Variants in HMCN1 observed in about 807,000 individuals in gnomAD.
HMCN1 encodes the protein hemicentin 1, also known as hemicentin-1.
A neutral mutation model predicts 625.9 loss-of-function variants in HMCN1; 321 were observed. The ratio of observed to expected loss-of-function variants is 0.51; its 90% CI spans 0.47 to 0.56. The LOEUF (loss-of-function observed/expected upper bound fraction) is 0.56. HMCN1 is among the 20% of genes least tolerant of loss of function. The pLI is 0.00. For missense variants in HMCN1, 6,588 were observed against 6,887.3 expected, an observed-to-expected ratio of 0.96 and a Z score of 1.54; for synonymous variants, 2,425 against 2,417.6, an observed-to-expected ratio of 1.00 and a Z score of -0.09.
intron 1 of HMCN1, among the ~76,000 whole-genome samples, chr1:185,752,395 C>T (rs1654878370): frequency 6.6e-6 from 1 of 152,068 alleles, no homozygotes; most frequent in East Asian, 1.9e-4. Flanking sequence ...TAGTCAAATC[C>T]TATGTCAGGA....
At chr1:185,807,783 T>G (rs1479454949) in intron 1 of HMCN1, among the ~76,000 whole-genome samples, 1 of 152,274 alleles carries the variant, frequency 6.6e-6, no homozygotes, top group African/African-American at 2.4e-5. Flanking sequence ...TGATAATACT[T>G]TTTTTCCTTG....
At chr1:185,786,636 G>T (rs1009379550) in intron 1 of HMCN1, among the ~76,000 whole-genome samples, 1 of 152,156 alleles carries the variant, frequency 6.6e-6, no homozygotes, top group Non-Finnish European at 1.5e-5. Flanking sequence ...TCTTAAAAAT[G>T]TATTTAACCA....
intron 1 of HMCN1, among the ~76,000 whole-genome samples, chr1:185,798,967 T>C (rs1021127991): frequency 5.3e-5 from 8 of 152,210 alleles, no homozygotes; most frequent in African/African-American, 1.9e-4. Flanking sequence ...TTCAGAATTA[T>C]GTCTTTGGTT....
At chr1:185,778,951 C>T (rs1656834663) in intron 1 of HMCN1, among the ~76,000 whole-genome samples, 1 of 152,222 alleles carries the variant, frequency 6.6e-6, no homozygotes, top group South Asian at 2.1e-4. Flanking sequence ...AACTAGTTTA[C>T]ACTGCCACCA....
chr1:185,735,514 C>A (rs1388193931), intron 1 of HMCN1, among the ~76,000 whole-genome samples: 1 of 152,156 alleles, frequency 6.6e-6, no homozygotes, highest in Non-Finnish European at 1.5e-5. Context: ...ACAAGGAAGC[C>A]TGTAAGTAGT....
intron 8 of HMCN1, among the ~76,000 whole-genome samples, 197 bp from the exon 9 acceptor site, chr1:185,924,850 G>A (rs1571566624): frequency 6.6e-6 from 1 of 152,048 alleles, no homozygotes; most frequent in Admixed American, 6.5e-5. Flanking sequence ...GGCTCATAAA[G>A]ATATCCAGAA....
At chr1:185,970,999 G>A (rs903117804) in intron 15 of HMCN1, among the ~76,000 whole-genome samples, 8 of 152,010 alleles carry the variant, frequency 5.3e-5, no homozygotes, top group Admixed American at 1.3e-4. Flanking sequence ...AAATTTATAC[G>A]GAAAGATCCT....
chr1:185,883,226 A>G (rs777914423), intron 4 of HMCN1, among the ~76,000 whole-genome samples: 7 of 152,110 alleles, frequency 4.6e-5, no homozygotes, highest in Non-Finnish European at 8.8e-5. Context: ...TCAGATTTCA[A>G]TATATGCTAA....
intron 6 of HMCN1, among the ~76,000 whole-genome samples, chr1:185,915,217 C>T (rs1666635259): frequency 1.3e-5 from 2 of 152,034 alleles, no homozygotes; most frequent in South Asian, 4.1e-4. Context: ...CTGGAAATAA[C>T]ATAAAGTTTT....
At chr1:186,178,957 A>T (rs1478343530) in intron 104 of HMCN1, among the ~76,000 whole-genome samples, 191 bp downstream of exon 104, 1 of 152,220 alleles carries the variant, frequency 6.6e-6, no homozygotes, top group Non-Finnish European at 1.5e-5. Flanking sequence ...TTATGGATTT[A>T]CATGTGGGCA....
rs973587810 is a variant in HMCN1, at chr1:185,827,065, G to A, written c.269-18961G>A. 9.9e-5 allele frequency among the ~76,000 whole-genome samples: 15 copies of A among 151,538 alleles called. No homozygotes were observed. The East Asian group carries it at 2.3e-3, about 24-fold the overall frequency. On this transcript the variant is annotated intron_variant, in intron 1 of 106. Transcript: ENST00000271588. ...GTAGCGCCTGTAGTCCCAGCTACTC[G>A]GGAGGCTGAGGCAGGAGAATGGCAT...
chr1:186,001,598 C>A lies in HMCN1; in HGVS notation c.4205C>A (p.Thr1402Asn). 1 of 1,613,002 alleles carries A rather than the reference C, an allele frequency of 6.2e-7. No homozygotes were observed. The highest frequency in any genetic ancestry group is 8.5e-7 in the Non-Finnish European group (1 of 1,179,282). The change falls in exon 28 of 107, where the codon ACT (threonine) becomes AAT (asparagine). Residue 1402 changes from threonine to asparagine, a missense_variant. By Grantham distance (65) the Thr-to-Asn change is moderately conservative. This residue lies in a region of HMCN1 where 4,628 missense variants were observed against 4,853.1 expected (regional missense o/e 0.95). Coordinates refer to ENST00000271588, the MANE Select transcript of HMCN1 (RefSeq NM_031935.3). ...IMWYKDNVQV[T>N]ESSTIQTVNN... is the part of the protein sequence containing the mutation. The stretch of plus-strand genomic sequence containing the variant: ...TGACCATTTTGGCCCTTAAAGGTGA[C>A]TGAAAGCAGCACTATTCAGACTGTG...
chr1:186,028,800 C>A (rs1655229702), intron 36 of HMCN1, among the ~76,000 whole-genome samples: 1 of 150,760 alleles, frequency 6.6e-6, no homozygotes, highest in Non-Finnish European at 1.5e-5. Flanking sequence ...TCTTGGCTCA[C>A]TGCAACTTCC....
intron 4 of HMCN1, among the ~76,000 whole-genome samples, chr1:185,888,090 G>C (rs1013408148): frequency 7.4e-6 from 1 of 134,740 alleles, no homozygotes; most frequent in Non-Finnish European, 1.6e-5. Flanking sequence ...GTGTTTTTTG[G>C]CTGCATAAAT....
intron 42 of HMCN1, among the ~76,000 whole-genome samples, chr1:186,050,475 C>T (rs1656878771): frequency 6.6e-6 from 1 of 151,620 alleles, no homozygotes; most frequent in South Asian, 2.1e-4. Context: ...AAGGAAGAGC[C>T]TAAGAGGTCA....
intron 56 of HMCN1, among the ~76,000 whole-genome samples, chr1:186,081,725 T>C: frequency 6.6e-6 from 1 of 152,130 alleles, no homozygotes; most frequent in Non-Finnish European, 1.5e-5. Context: ...TTGGTAAAAT[T>C]CTAAATGGTA....
At chr1:186,147,611 T>C (rs143734242) in intron 93 of HMCN1, among the ~76,000 whole-genome samples, 240 of 152,286 alleles carry the variant, frequency 1.6e-3, no homozygotes, top group African/African-American at 5.6e-3. Flanking sequence ...CTCAGAGATA[T>C]TGCAGATTCA....
intron 42 of HMCN1, among the ~76,000 whole-genome samples, chr1:186,051,487 T>C (rs952361019): frequency 1.6e-4 from 24 of 151,972 alleles, no homozygotes; most frequent in African/African-American, 5.6e-4. Flanking sequence ...GGGTCTCCAT[T>C]ACAGATATAG....
intron 66 of HMCN1, 79 bp downstream of exon 66, chr1:186,093,748 T>C: frequency 6.3e-7 from 1 of 1,582,664 alleles, no homozygotes; most frequent in Non-Finnish European, 8.7e-7. Flanking sequence ...TAAACAGTGT[T>C]GAAGAAATGT....
Sources: gnomAD v4.1 joint callset for allele counts (sites outside exome capture counted in the v4.1 genomes callset) on GRCh38, gnomAD v4.1.1 for gene constraint, gnomAD v4.1.1 regional missense constraint, MANE v1.5 for transcripts, NCBI Gene and HGNC (gene_info 2026-07-23, HGNC 2026-07-21) for gene names.